STK25: variants seen among roughly 807,000 people sequenced by gnomAD.
STK25 encodes the protein serine/threonine kinase 25, also known as serine/threonine-protein kinase 25.
In STK25, 29 loss-of-function variants were observed where a neutral mutation model predicts 53.8. That is an observed-to-expected ratio of 0.54 (90% CI 0.40 to 0.74). The LOEUF (loss-of-function observed/expected upper bound fraction) is 0.74, where lower values mean the gene tolerates loss of function less well. STK25 is among the 30% of genes least tolerant of loss of function. The pLI, the probability that STK25 is intolerant of heterozygous loss-of-function variation, is 0.00. For missense variants in STK25, 420 were observed against 568.0 expected (o/e 0.74, Z 2.65); for synonymous variants, 247 against 238.3 (o/e 1.04, Z -0.33).
At chr2:241,503,837 C>T (rs2065657703) in intron 2 of STK25, among the ~76,000 whole-genome samples, 1 of 152,058 alleles carries the variant, frequency 6.6e-6, no homozygotes, top group Admixed American at 6.5e-5. Flanking sequence ...GGATGGGGTA[C>T]ACCACACACA....
rs925318698 is a variant in STK25 at position 241,492,852 on chromosome 2, G to GTCTT, written c.*2806_*2809dup. 14 of 819,716 alleles carry GTCTT rather than the reference G, an allele frequency of 1.7e-5. No homozygotes were observed. In the African/African-American group the frequency reaches 2.2e-4, roughly 13 times the overall value. The allele number at this position is 819,716 out of a possible 1,614,324, so 50.8% of individuals were successfully genotyped here. A position where few individuals can be genotyped will look rare whatever the true frequency, so the allele number is the denominator to read the frequency against. On this transcript the variant is annotated 3_prime_UTR_variant, in exon 12 of 12. Transcript: ENST00000316586. ...GCTGGAGAAAGCATGCAGAGGCTTA[G>GTCTT]TCTTGGGGAGCAAACCCACTCCCAC...
intron 4 of STK25, 35 bp from the exon 5 acceptor site, chr2:241,500,316 C>G (rs779224464): frequency 6.7e-7 from 1 of 1,498,390 alleles, no homozygotes; most frequent in Admixed American, 1.7e-5. Context: ...GGCCTCAGCT[C>G]CTGTCCCAGG....
At position 241,492,986 on chromosome 2, in the gene STK25, C is replaced by T. The variant is rs755683110; in HGVS notation, c.*2676G>A. On this transcript the variant is annotated 3_prime_UTR_variant, in exon 12 of 12. Coordinates refer to ENST00000316586, the MANE Select transcript of STK25 (RefSeq NM_001271977.2). ...CAAAAACAGTCATGGCTGGCAGAAG[C>T]TCTGGGTCGTCTTTACCAACTTCTG... is the stretch of plus-strand genomic sequence containing the variant. 10 of 1,612,812 alleles carry T rather than the reference C, an allele frequency of 6.2e-6. No individual in the cohort carries two copies. Among genetic ancestry groups the T allele is most frequent in the Non-Finnish European group, 7.6e-6 (9 of 1,178,826 alleles).
In STK25 at chr2:241,495,450, C is replaced by T. The variant is rs1359551223; in HGVS notation, c.*212G>A. 5.2e-6 allele frequency: 3 copies of T among 580,036 alleles called. No individual in the cohort carries two copies. The highest frequency in any genetic ancestry group is 9.3e-6 in the Non-Finnish European group (3 of 323,390). 35.9% of individuals were successfully genotyped at this position (580,036 alleles called of 1,614,324 possible). ...CCAGGAGAGGGAGGAGGGCAGTGGG[C>T]ATAGAGAACAGCGTCCCTGACGTGC... On this transcript the variant is annotated 3_prime_UTR_variant, in exon 12 of 12. Transcript: ENST00000316586.
intron 2 of STK25, among the ~76,000 whole-genome samples, chr2:241,507,488 G>A (rs1253486854): frequency 6.6e-6 from 1 of 152,260 alleles, no homozygotes; most frequent in Admixed American, 6.5e-5. Flanking sequence ...CTGGGCCAAA[G>A]CACACACGTG....
chr2:241,501,507 T>C lies in STK25; in HGVS notation c.232A>G (p.Ile78Val), dbSNP rs139615771. The stretch of plus-strand genomic sequence containing the variant: ...AGGTAGGAGCCAAAGTAGCGGGTGA[T>C]GTAGGGGCTGTCGCACTGACTGAGG... ...TVLSQCDSPY[I>V]TRYFGSYLKS... The change falls in exon 3 of 12, where the codon ATC becomes GTC. Residue 78 changes from isoleucine to valine, a missense_variant. Coordinates refer to ENST00000316586, the MANE Select transcript of STK25 (RefSeq NM_001271977.2). The surrounding 1 kb of genome is among the most constrained non-coding windows in gnomAD (Gnocchi z 5.3). The C allele has an allele frequency of 1.9e-6, 3 of 1,613,910 alleles. No individual in the cohort carries two copies. The highest frequency in any genetic ancestry group is 2.7e-5 in the African/African-American group (2 of 74,918).
intron 7 of STK25, 40 bp downstream of exon 7, chr2:241,498,949 C>A (rs34335673): frequency 6.2e-7 from 1 of 1,612,428 alleles, no homozygotes; most frequent in African/African-American, 1.3e-5. Flanking sequence ...CCTCCCTCCA[C>A]GTCCTGTCTA....
chr2:241,501,637 G>C lies in STK25; in HGVS notation c.102C>G (p.Val34=), dbSNP rs2065516731. ...TTGTGTGGTTATCGATGCCCTTGTAGACCTCCCCAAACGAGCCCTTGCCAA... is the reference window on the plus strand; with the variant it reads ...TTGTGTGGTTATCGATGCCCTTGTACACCTCCCCAAACGAGCCCTTGCCAA... The part of the protein sequence containing the change: ...DRIGKGSFGE[V]YKGIDNHTKE... Residue 34 remains valine, a synonymous_variant, in exon 3 of 12, where the codon GTC becomes GTG. Transcript: ENST00000316586. This position sits in a 1 kb window ranked among gnomAD's most constrained non-coding sequence, Gnocchi z 5.3. The C allele has an allele frequency of 1.2e-6, 2 of 1,613,982 alleles. No individual in the cohort carries two copies. The highest frequency in any genetic ancestry group is 1.7e-6 in the Non-Finnish European group (2 of 1,180,048).
intron 2 of STK25, among the ~76,000 whole-genome samples, chr2:241,506,488 C>T (rs1020403295): frequency 1.3e-5 from 2 of 152,204 alleles, no homozygotes. Context: ...AAACTGGTGG[C>T]CGAGCGCGGT....
Sources: gnomAD v4.1 joint callset for allele counts (sites outside exome capture counted in the v4.1 genomes callset) on GRCh38, gnomAD v4.1.1 for gene constraint, Gnocchi (gnomAD v3.1) non-coding constraint, MANE v1.5 for transcripts, NCBI Gene and HGNC (gene_info 2026-07-23, HGNC 2026-07-21) for gene names.